Variants in CSMD1 observed in about 807,000 individuals in gnomAD.
The protein encoded by CSMD1 is CUB and sushi domain-containing protein 1.
CSMD1 carries 213 observed loss-of-function variants against 417.5 expected under a neutral mutation model. That is an observed-to-expected ratio of 0.51 (90% CI 0.46 to 0.57). The LOEUF (loss-of-function observed/expected upper bound fraction) is 0.57. Among genes scored for constraint, CSMD1 ranks in the 20% least tolerant of loss-of-function variants. The pLI is 0.00. For missense variants in CSMD1, 6,923 were observed against 4,529.7 expected (o/e 1.53, Z -15.17); for synonymous variants, 2,862 against 1,736.8 (o/e 1.65, Z -16.11).
intron 5 of CSMD1, among the ~76,000 whole-genome samples, chr8:3,967,340 T>C (rs1276238904): frequency 6.6e-6 from 1 of 152,172 alleles, no homozygotes; most frequent in African/African-American, 2.4e-5. Context: ...GGCTTCTCCA[T>C]TCCGACCCTG....
intron 26 of CSMD1, among the ~76,000 whole-genome samples, chr8:3,248,567 T>C (rs900956204): frequency 2.1e-5 from 3 of 140,432 alleles, no homozygotes; most frequent in African/African-American, 7.8e-5. Context: ...TCTCGCTCTG[T>C]CGCCCAGCCT....
intron 5 of CSMD1, among the ~76,000 whole-genome samples, chr8:3,759,678 G>C (rs376625324): frequency 6.6e-6 from 1 of 150,624 alleles, no homozygotes; most frequent in Non-Finnish European, 1.5e-5. Context: ...CGGACCACCT[G>C]AGGTCAGGAG....
chr8:3,684,506 A>G (rs2129030178), intron 7 of CSMD1, among the ~76,000 whole-genome samples: 1 of 149,328 alleles, frequency 6.7e-6, no homozygotes, highest in East Asian at 2.0e-4. Flanking sequence ...ATGAACATAT[A>G]TTTTATCTTT....
At chr8:3,865,942 G>T (rs774918219) in intron 5 of CSMD1, among the ~76,000 whole-genome samples, 2 of 152,098 alleles carry the variant, frequency 1.3e-5, no homozygotes, top group Non-Finnish European at 2.9e-5. Context: ...TTTCCCTCGT[G>T]TCTGGGAATG....
intron 3 of CSMD1, among the ~76,000 whole-genome samples, chr8:4,082,711 C>G (rs1758919380): frequency 6.6e-6 from 1 of 150,850 alleles, no homozygotes; most frequent in Non-Finnish European, 1.5e-5. Flanking sequence ...TGTGCTGCAC[C>G]CATTAACTCG....
chr8:3,764,276 G>A (rs567253628), intron 5 of CSMD1, among the ~76,000 whole-genome samples: 14 of 152,262 alleles, frequency 9.2e-5, no homozygotes, highest in African/African-American at 2.2e-4. Context: ...CTGTGTTCCC[G>A]TCCAAACCCT....
In CSMD1 at chr8:4,173,108, C is replaced by T. The variant is rs187313705; in HGVS notation, c.416-141009G>A. Among the ~76,000 whole-genome samples, 856 of 152,106 alleles carry T rather than the reference C, an allele frequency of 5.6e-3. 7 individuals are homozygous for T. The highest frequency in any genetic ancestry group is 7.1e-3 in the Non-Finnish European group (483 of 68,002). On this transcript the variant is annotated intron_variant, in intron 3 of 69. Coordinates refer to ENST00000635120, the MANE Select transcript of CSMD1 (RefSeq NM_033225.6). ...TCAGGGAAAGGTTGTATGAACCACACGGAGGAAGTAACTATACAGTGCAAC... is the reference window on the plus strand; with the variant it reads ...TCAGGGAAAGGTTGTATGAACCACATGGAGGAAGTAACTATACAGTGCAAC...
chr8:4,013,178 C>T (rs1796360559), intron 4 of CSMD1, among the ~76,000 whole-genome samples: 1 of 152,136 alleles, frequency 6.6e-6, no homozygotes, highest in South Asian at 2.1e-4. Flanking sequence ...AGTCCAAAGG[C>T]TGATCTACAG....
At position 3,374,719 on chromosome 8, in the gene CSMD1, C is replaced by A. The variant is rs962390850; in HGVS notation, c.2783-5349G>T. 1.3e-5 allele frequency among the ~76,000 whole-genome samples: 2 copies of A among 152,132 alleles called. 1 individual carries two copies. The highest frequency in any genetic ancestry group is 3.9e-4 in the East Asian group (2 of 5,184). On this transcript the variant is annotated intron_variant, in intron 18 of 69. Coordinates refer to ENST00000635120, the MANE Select transcript of CSMD1 (RefSeq NM_033225.6). ...AGGGTGCCCCGAGACAGGCTGTCTGCTGAGGTTTCTCTGCCAACTCATTCC... is the reference window on the plus strand; with the variant it reads ...AGGGTGCCCCGAGACAGGCTGTCTGATGAGGTTTCTCTGCCAACTCATTCC...
At chr8:3,664,085 C>T (rs2624089) in intron 7 of CSMD1, among the ~76,000 whole-genome samples, 1 of 151,898 alleles carries the variant, frequency 6.6e-6, no homozygotes. Context: ...ACAATGTGCA[C>T]GTTTGTTACA....
intron 11 of CSMD1, among the ~76,000 whole-genome samples, chr8:3,490,747 C>T (rs530327070): frequency 6.6e-6 from 1 of 152,152 alleles, no homozygotes; most frequent in African/African-American, 2.4e-5. Context: ...CACTGTAGTG[C>T]TGTTCCCAAC....
chr8:2,967,317 T>C (rs775243835), intron 57 of CSMD1, among the ~76,000 whole-genome samples: 4 of 152,212 alleles, frequency 2.6e-5, no homozygotes, highest in African/African-American at 7.2e-5. Context: ...TTACCAGCTC[T>C]AATAGCAGCT....
chr8:4,175,322 T>G (rs1275718990), intron 3 of CSMD1, among the ~76,000 whole-genome samples: 1 of 152,192 alleles, frequency 6.6e-6, no homozygotes, highest in Non-Finnish European at 1.5e-5. Flanking sequence ...TTGTTTAGGT[T>G]AAAGTTATCT....
At position 3,292,809 on chromosome 8, in the gene CSMD1, G is replaced by GAA. The variant is rs1393489678; in HGVS notation, c.3951-8464_3951-8463insTT. 2.3e-3 allele frequency among the ~76,000 whole-genome samples: 351 copies of GAA among 152,100 alleles called. 1 individual carries two copies. Among genetic ancestry groups the GAA allele is most frequent in the African/African-American group, 8.2e-3 (339 of 41,492 alleles). ...TGCCAGTCTCTGTCTTTTAATTGGA[G>GAA]CATTTAGCCCATTTACATTTAAGGT... On this transcript the variant is annotated intron_variant, in intron 25 of 69. Coordinates refer to ENST00000635120, the MANE Select transcript of CSMD1 (RefSeq NM_033225.6).
At chr8:3,881,940 A>G (rs1008288880) in intron 5 of CSMD1, among the ~76,000 whole-genome samples, 5 of 152,216 alleles carry the variant, frequency 3.3e-5, no homozygotes, top group Admixed American at 6.5e-5. Flanking sequence ...AATTCCACAG[A>G]GATTACAGAT....
rs570902651 is a variant in CSMD1, at chr8:3,611,810, T to C, written c.1097+4900A>G. 7.9e-5 allele frequency among the ~76,000 whole-genome samples: 12 copies of C among 152,154 alleles called. No individual in the cohort carries two copies. The East Asian group carries it at 2.1e-3, about 27-fold the overall frequency. On this transcript the variant is annotated intron_variant, in intron 8 of 69. Coordinates refer to ENST00000635120, the MANE Select transcript of CSMD1 (RefSeq NM_033225.6). ...TCATTATTTTCAAATGACCAATGTATGAGGTACAAAATCATGCATATACAA... is the reference window on the plus strand; with the variant it reads ...TCATTATTTTCAAATGACCAATGTACGAGGTACAAAATCATGCATATACAA...
At chr8:3,863,311 C>T (rs1319258346) in intron 5 of CSMD1, among the ~76,000 whole-genome samples, 3 of 150,840 alleles carry the variant, frequency 2.0e-5, no homozygotes, top group East Asian at 2.0e-4. Context: ...GCAGGAGAAT[C>T]GCTTGAACCC....
chr8:4,549,113 T>A (rs1001549762), intron 2 of CSMD1, among the ~76,000 whole-genome samples: 1 of 152,176 alleles, frequency 6.6e-6, no homozygotes, highest in South Asian at 2.1e-4. Flanking sequence ...AGAAAAGTGG[T>A]CATTAAAAAA....
intron 1 of CSMD1, among the ~76,000 whole-genome samples, chr8:4,767,552 G>A (rs554438249): frequency 2.0e-5 from 3 of 152,274 alleles, no homozygotes; most frequent in East Asian, 3.9e-4. Context: ...CCTGTCCTGT[G>A]TGTTCTGGGG....
Sources: allele counts gnomAD v4.1 joint callset (sites outside exome capture counted in the v4.1 genomes callset), GRCh38; gene constraint gnomAD v4.1.1; transcripts MANE v1.5; gene names NCBI Gene and HGNC (gene_info 2026-07-23, HGNC 2026-07-21).